Variants in DCC observed in about 807,000 individuals in gnomAD.
The protein encoded by DCC is DCC netrin 1 receptor.
A neutral mutation model predicts 172.5 loss-of-function variants in DCC; 58 were observed. That is an observed-to-expected ratio of 0.34 (90% CI 0.27 to 0.42). The LOEUF (loss-of-function observed/expected upper bound fraction) is 0.42. DCC is among the 10% of genes least tolerant of loss of function. The probability of loss-of-function intolerance (pLI) is 1.00; values close to 1 mark genes in which losing one functional copy is unlikely to be tolerated. For missense variants in DCC, 1,740 were observed against 1,791.0 expected (o/e 0.97, Z 0.51); for synonymous variants, 709 against 644.5 (o/e 1.10, Z -1.52).
intron 1 of DCC, among the ~76,000 whole-genome samples, chr18:52,532,841 G>C (rs1247392105): frequency 6.6e-6 from 1 of 152,000 alleles, no homozygotes; most frequent in Non-Finnish European, 1.5e-5. Flanking sequence ...CCATTCAGTG[G>C]TTTTTAGTAT....
At position 53,207,665 on chromosome 18, in the gene DCC, T is replaced by C; in HGVS notation, c.1723-14T>C. ...TGCTTCCTTGATAACAGTTTTGGTG[T>C]TTTATGTCTCCAGAATATAGAGGTT... On this transcript the variant is annotated splice_polypyrimidine_tract_variant and intron_variant, in intron 10 of 28. Coordinates refer to ENST00000442544, the MANE Select transcript of DCC (RefSeq NM_005215.4). 3.1e-6 allele frequency: 5 copies of C among 1,612,926 alleles called. No homozygotes were observed. The highest frequency in any genetic ancestry group is 4.2e-6 in the Non-Finnish European group (5 of 1,179,072).
chr18:52,956,054 G>A lies in DCC; in HGVS notation c.985+30684G>A, dbSNP rs1197031268. On this transcript the variant is annotated intron_variant, in intron 5 of 28. Transcript: ENST00000442544. Reference sequence around the variant, plus strand: ...CTAATCTTGTCTTTCACAGAACAGAGGTTTTTAATTTTAACGAAGTCCAAC... The same window carrying A: ...CTAATCTTGTCTTTCACAGAACAGAAGTTTTTAATTTTAACGAAGTCCAAC... Among the ~76,000 whole-genome samples the A allele has an allele frequency of 2.6e-5, 4 of 151,628 alleles. No individual in the cohort carries two copies. In the East Asian group the frequency reaches 7.8e-4, roughly 29 times the overall value.
intron 1 of DCC, among the ~76,000 whole-genome samples, chr18:52,581,605 A>C (rs1568239569): frequency 1.3e-5 from 2 of 151,904 alleles, no homozygotes; most frequent in Non-Finnish European, 2.9e-5. Context: ...TATACATGTC[A>C]CTTTTTCTTT....
At chr18:53,436,348 C>A (rs572847650) in intron 22 of DCC, among the ~76,000 whole-genome samples, 15 of 152,090 alleles carry the variant, frequency 9.9e-5, no homozygotes, top group African/African-American at 3.4e-4. Context: ...CAAAATTAAC[C>A]ATTTTTGCAG....
chr18:53,097,584 G>A (rs999440157), intron 7 of DCC, among the ~76,000 whole-genome samples: 39 of 152,204 alleles, frequency 2.6e-4, no homozygotes, highest in African/African-American at 7.5e-4. Flanking sequence ...GGCTCAAAAC[G>A]TATCTGGTCT....
chr18:52,930,850 GTTGCTAGCA>G (rs2040296966), intron 5 of DCC, among the ~76,000 whole-genome samples: 1 of 151,906 alleles, frequency 6.6e-6, no homozygotes, highest in Non-Finnish European at 1.5e-5. Context: ...TTTCTTCATG[GTTGCTAGCA>G]TTGTCATTAG....
chr18:53,392,444 A>G (rs1908611794), intron 17 of DCC, among the ~76,000 whole-genome samples: 1 of 152,192 alleles, frequency 6.6e-6, no homozygotes, highest in Non-Finnish European at 1.5e-5. Context: ...TTTAGCTAAT[A>G]TGAATTCACC....
At chr18:53,003,299 T>C (rs1478902096) in intron 5 of DCC, among the ~76,000 whole-genome samples, 4 of 152,148 alleles carry the variant, frequency 2.6e-5, no homozygotes, top group African/African-American at 9.7e-5. Context: ...CGATACATAA[T>C]TGAAAATGCT....
At chr18:52,373,887 C>CTTTTTTTTTTTTTTTTTTTTTTTTTTTT (rs779518696) in intron 1 of DCC, among the ~76,000 whole-genome samples, 1 of 141,114 alleles carries the variant, frequency 7.1e-6, no homozygotes. Context: ...TTGGTTGCAT[C>CTTTTTTTTTTTTTTTTTTTTTTTTTTTT]ATTTTTTTTT....
intron 18 of DCC, among the ~76,000 whole-genome samples, chr18:53,401,587 T>A (rs568278975): frequency 8.9e-6 from 1 of 112,648 alleles, no homozygotes; most frequent in South Asian, 2.7e-4. Context: ...CGAAAGAGAA[T>A]AGGGTGAAGA....
At chr18:52,841,088 A>G (rs2038797940) in intron 2 of DCC, among the ~76,000 whole-genome samples, 1 of 152,210 alleles carries the variant, frequency 6.6e-6, no homozygotes, top group Admixed American at 6.5e-5. Flanking sequence ...AGAAGTAGTC[A>G]TTCATCTGTA....
intron 5 of DCC, among the ~76,000 whole-genome samples, chr18:52,986,064 T>G (rs2041288054): frequency 6.6e-6 from 1 of 152,180 alleles, no homozygotes; most frequent in East Asian, 1.9e-4. Flanking sequence ...TTCATATGTA[T>G]GAAATAGGAT....
chr18:52,539,267 A>G (rs2032373054), intron 1 of DCC, among the ~76,000 whole-genome samples: 1 of 152,230 alleles, frequency 6.6e-6, no homozygotes, highest in African/African-American at 2.4e-5. Flanking sequence ...TGAATGAAAT[A>G]TCCTCTACCA....
intron 1 of DCC, among the ~76,000 whole-genome samples, chr18:52,441,485 A>C (rs900558325): frequency 2.0e-5 from 3 of 152,136 alleles, no homozygotes; most frequent in African/African-American, 7.2e-5. Flanking sequence ...TTATTGTTTT[A>C]AATCCTATCA....
chr18:53,218,836 G>T (rs2055890416), intron 12 of DCC, among the ~76,000 whole-genome samples: 1 of 152,060 alleles, frequency 6.6e-6, no homozygotes, highest in Non-Finnish European at 1.5e-5. Flanking sequence ...TATTGATTCA[G>T]TTATTATATA....
At chr18:52,479,706 A>T (rs1229838287) in intron 1 of DCC, among the ~76,000 whole-genome samples, 1 of 152,106 alleles carries the variant, frequency 6.6e-6, no homozygotes, top group African/African-American at 2.4e-5. Context: ...ACAAATGCAG[A>T]CAACATTTTC....
At chr18:52,477,138 C>T (rs1472711729) in intron 1 of DCC, among the ~76,000 whole-genome samples, 3 of 152,100 alleles carry the variant, frequency 2.0e-5, no homozygotes, top group East Asian at 1.9e-4. Flanking sequence ...TTTTCCACTA[C>T]GTTATTATGT....
intron 24 of DCC, among the ~76,000 whole-genome samples, chr18:53,460,182 T>TTTTTTTTTTTTTTTTTTTTTGAAACGG (rs2045535147): frequency 7.1e-6 from 1 of 139,946 alleles, no homozygotes; most frequent in Non-Finnish European, 1.6e-5. Flanking sequence ...GTCTTCATAT[T>TTTTTTTTTTTTTTTTTTTTTGAAACGG]ATCTAAGTGC....
intron 1 of DCC, among the ~76,000 whole-genome samples, chr18:52,474,404 C>T (rs1383384484): frequency 1.3e-5 from 2 of 152,118 alleles, no homozygotes; most frequent in Non-Finnish European, 2.9e-5. Flanking sequence ...TCCAAATTAG[C>T]CAACTTTTCA....
Sources: allele counts gnomAD v4.1 joint callset (sites outside exome capture counted in the v4.1 genomes callset), GRCh38; gene constraint gnomAD v4.1.1; transcripts MANE v1.5; gene names NCBI Gene and HGNC (gene_info 2026-07-23, HGNC 2026-07-21).